MMP26: variants seen among roughly 807,000 people sequenced by gnomAD.
MMP26 encodes matrix metallopeptidase 26.
In MMP26, 33 loss-of-function variants were observed where a neutral mutation model predicts 31.0. The observed-to-expected ratio is 1.06, with a 90% CI of 0.81 to 1.42. MMP26 has a LOEUF of 1.42. MMP26 is among the 40% of genes most tolerant of loss of function. The pLI, the probability that MMP26 is intolerant of heterozygous loss-of-function variation, is 0.00. For missense variants in MMP26, 347 were observed against 316.1 expected (o/e 1.10, Z -0.74); for synonymous variants, 122 against 114.9 (o/e 1.06, Z -0.40).
At chr11:4,814,492 A>C (rs1849394976) in intron 2 of MMP26, among the ~76,000 whole-genome samples, 1 of 152,226 alleles carries the variant, frequency 6.6e-6, no homozygotes, top group South Asian at 2.1e-4. Flanking sequence ...AGAGTAGATA[A>C]AGAGCAGAAT....
At chr11:4,872,482 G>C (rs376703960) in intron 2 of MMP26, among the ~76,000 whole-genome samples, 1 of 151,968 alleles carries the variant, frequency 6.6e-6, no homozygotes, top group African/African-American at 2.4e-5. Context: ...GAACTTTATA[G>C]ATCATTGTCC....
chr11:4,803,901 G>A (rs776678431), intron 2 of MMP26: 1 of 1,613,056 alleles, frequency 6.2e-7, no homozygotes, highest in East Asian at 2.2e-5. Context: ...AGCAGAAGGG[G>A]CTCACCCACA....
intron 2 of MMP26, among the ~76,000 whole-genome samples, chr11:4,917,503 C>T (rs2133577327): frequency 6.6e-6 from 1 of 152,252 alleles, no homozygotes; most frequent in South Asian, 2.1e-4. Flanking sequence ...ATTGGAGAAA[C>T]ACACATAAAG....
chr11:4,928,441 C>T (rs1851303046), intron 2 of MMP26, among the ~76,000 whole-genome samples: 1 of 152,114 alleles, frequency 6.6e-6, no homozygotes, highest in South Asian at 2.1e-4. Flanking sequence ...ATTTTAACTA[C>T]CAACGTCTGT....
intron 2 of MMP26, chr11:4,769,738 G>A: frequency 6.2e-7 from 1 of 1,613,794 alleles, no homozygotes; most frequent in Non-Finnish European, 8.5e-7. Context: ...AATAATACAT[G>A]GGTTCATGGA....
At chr11:4,897,135 C>T (rs10768351) in intron 2 of MMP26, among the ~76,000 whole-genome samples, 93,928 of 151,742 alleles carry the variant, frequency 0.62, 30,981 homozygotes, top group Middle Eastern at 0.76. Flanking sequence ...CACACACACA[C>T]GCTGATTTTT....
At chr11:4,915,064 G>A (rs1381262998) in intron 2 of MMP26, 1 of 1,614,088 alleles carries the variant, frequency 6.2e-7, no homozygotes. Context: ...CGTAGATGCT[G>A]TTGGCCTTCA....
intron 2 of MMP26, chr11:4,915,205 A>G (rs753625418): frequency 6.2e-7 from 1 of 1,614,058 alleles, no homozygotes; most frequent in Non-Finnish European, 8.5e-7. Context: ...TACGACCCAG[A>G]GAGACCAGGC....
intron 1 of MMP26, among the ~76,000 whole-genome samples, chr11:4,728,901 G>A (rs1237032568): frequency 6.6e-6 from 1 of 151,700 alleles, no homozygotes; most frequent in African/African-American, 2.4e-5. Flanking sequence ...TATTCAATGT[G>A]CATTTTGCTT....
At chr11:4,866,996 A>G (rs1589923984) in intron 2 of MMP26, among the ~76,000 whole-genome samples, 1 of 152,114 alleles carries the variant, frequency 6.6e-6, no homozygotes, top group Admixed American at 6.6e-5. Context: ...GAAAACCTAG[A>G]CAATACCATT....
intron 2 of MMP26, among the ~76,000 whole-genome samples, chr11:4,833,861 C>A (rs1293302107): frequency 1.3e-5 from 2 of 152,120 alleles, no homozygotes; most frequent in African/African-American, 4.8e-5. Flanking sequence ...TCAATGGTTG[C>A]AGGCCCATAT....
At chr11:4,744,357 A>G (rs1161682352) in intron 1 of MMP26, among the ~76,000 whole-genome samples, 2 of 152,232 alleles carry the variant, frequency 1.3e-5, no homozygotes, top group Non-Finnish European at 2.9e-5. Context: ...TTCAAAGGCA[A>G]TTCAACAGCA....
At chr11:4,726,671 A>C (rs962481160) in intron 1 of MMP26, among the ~76,000 whole-genome samples, 12 of 152,210 alleles carry the variant, frequency 7.9e-5, no homozygotes, top group Admixed American at 7.2e-4. Context: ...GCAAGTGTTG[A>C]CTAATTTATT....
chr11:4,936,611 T>C (rs564481164), intron 2 of MMP26, among the ~76,000 whole-genome samples: 14 of 152,150 alleles, frequency 9.2e-5, no homozygotes, highest in Non-Finnish European at 1.9e-4. Context: ...ATAGAAAAGA[T>C]AATCTCTAGA....
intron 1 of MMP26, chr11:4,712,092 G>C (rs1847869809): frequency 6.6e-6 from 1 of 152,112 alleles, no homozygotes. Context: ...CAAGTGCAGT[G>C]CTTTATTAAT....
intron 2 of MMP26, among the ~76,000 whole-genome samples, chr11:4,772,963 A>G (rs17227547): frequency 0.095 from 14,437 of 152,226 alleles, 849 homozygotes; most frequent in Middle Eastern, 0.15. Context: ...TTGAAGCACT[A>G]TATCTCTACC....
chr11:4,782,086 G>A (rs554530871), intron 2 of MMP26, among the ~76,000 whole-genome samples: 2 of 152,304 alleles, frequency 1.3e-5, no homozygotes, highest in African/African-American at 2.4e-5. Context: ...TACCAGTAGA[G>A]CAGGACACTG....
intron 1 of MMP26, chr11:4,723,660 G>T: frequency 3.4e-6 from 3 of 873,480 alleles, no homozygotes; most frequent in Non-Finnish European, 2.0e-6. Context: ...ACTTGTTCTT[G>T]CAGTTCTCCA....
intron 1 of MMP26, among the ~76,000 whole-genome samples, chr11:4,733,808 T>C (rs939480635): frequency 1.3e-5 from 2 of 152,188 alleles, no homozygotes; most frequent in African/African-American, 4.8e-5. Context: ...ATATTACCTG[T>C]GGGTTTTTCA....
Sources: allele counts gnomAD v4.1 joint callset (sites outside exome capture counted in the v4.1 genomes callset), GRCh38; gene constraint gnomAD v4.1.1; transcripts MANE v1.5; gene names NCBI Gene and HGNC (gene_info 2026-07-23, HGNC 2026-07-21).